Variants in MAGED2 observed in about 807,000 individuals in gnomAD.
MAGED2 encodes MAGE family member D2.
MAGED2 carries 6 observed loss-of-function variants against 41.7 expected under a neutral mutation model. The observed-to-expected ratio is 0.14, with a 90% confidence interval of 0.08 to 0.28. The LOEUF (loss-of-function observed/expected upper bound fraction) is 0.28. Among genes scored for constraint, MAGED2 ranks in the 10% least tolerant of loss-of-function variants. MAGED2 has a pLI of 1.00. For synonymous variants in MAGED2, 146 were observed against 178.2 expected, an observed-to-expected ratio of 0.82 and a Z score of 1.44; for missense variants, 343 against 486.4, an observed-to-expected ratio of 0.71 and a Z score of 2.77.
Position 54,809,354 on chromosome X carries a change from G to T in MAGED2, c.23G>T (p.Gly8Val). 8.3e-7 allele frequency: 1 copy of T among 1,211,027 alleles called. No individual in the cohort carries two copies. The highest frequency in any genetic ancestry group is 1.1e-6 in the Non-Finnish European group (1 of 894,866). The change falls in exon 2 of 13, where the codon GGT becomes GTT. Residue 8 changes from glycine to valine, a missense_variant. By Grantham distance (109) the Gly-to-Val change is moderately radical. Transcript: ENST00000375068. The stretch of plus-strand genomic sequence containing the variant: ...GACATGTCTGACACAAGCGAGAGTG[G>T]TGCAGGTCTAACTCGCTTCCAGGTA... MSDTSES[G>V]AGLTRFQAEA...
intron 2 of MAGED2, 123 bp from the exon 3 acceptor site, chrX:54,809,599 G>C: frequency 9.2e-7 from 1 of 1,088,023 alleles, no homozygotes; most frequent in Non-Finnish European, 1.2e-6. Context: ...GGCTGAGGTG[G>C]TCAGAGCACA....
chrX:54,808,927 A>C, intron 1 of MAGED2: 1 of 232,903 alleles, frequency 4.3e-6, no homozygotes, highest in Non-Finnish European at 8.0e-6. Flanking sequence ...GAGAAGAGCC[A>C]GCTGCTGAAT....
intron 11 of MAGED2, 33 bp from the exon 12 acceptor site, chrX:54,815,215 C>G (rs772195981): frequency 2.6e-6 from 3 of 1,138,744 alleles, no homozygotes; most frequent in Non-Finnish European, 3.5e-6. Context: ...CTTAATCCCT[C>G]TATGCTCCTT....
rs138895309 is a variant in MAGED2 at position 54,810,156 on chromosome X, C to T, written c.480C>T (p.Ala160=). 239 of 1,184,272 alleles carry T rather than the reference C, an allele frequency of 2.0e-4. No individual in the cohort carries two copies. In the African/African-American group the frequency reaches 3.8e-3, roughly 19 times the overall value. ...ADEPEPESAA[A]QSQENQDTRP... The stretch of plus-strand genomic sequence containing the variant: ...AACCTGAGCCTGAGAGTGCAGCTGC[C>T]CAGTCTCAGGAGAATCAGGATACTC... Residue 160 remains alanine, a synonymous_variant, in exon 3 of 13, where the codon GCC becomes GCT. Coordinates refer to ENST00000375068, the MANE Select transcript of MAGED2 (RefSeq NM_177433.3).
intron 9 of MAGED2, 162 bp from the exon 10 acceptor site, chrX:54,813,326 A>G (rs1602078412): frequency 2.3e-6 from 2 of 869,580 alleles, no homozygotes; most frequent in East Asian, 3.2e-5. Context: ...ATGGTCCTGA[A>G]CTCTCTGCTC....
chrX:54,810,540 G>A (rs1180461981), intron 3 of MAGED2, among the ~76,000 whole-genome samples: 7 of 111,682 alleles, frequency 6.3e-5, no homozygotes, highest in South Asian at 3.8e-4. Flanking sequence ...GAGGTGAAGC[G>A]GCTTGTCTAG....
In MAGED2 at chrX:54,813,176, C is replaced by G. The variant is rs1929857756; in HGVS notation, c.1208+16C>G. 8.3e-7 allele frequency: 1 copy of G among 1,209,267 alleles called. No homozygotes were observed. Among genetic ancestry groups the G allele is most frequent in the Non-Finnish European group, 1.1e-6 (1 of 895,317 alleles). ...TGCGCCCTGGGTATGATTGGGCTCT[C>G]TCAGCGCTTGCTGTCCGTGTTGTCC... is the stretch of plus-strand genomic sequence containing the variant. On this transcript the variant is annotated intron_variant, in intron 9 of 12. Coordinates refer to ENST00000375068, the MANE Select transcript of MAGED2 (RefSeq NM_177433.3).
At position 54,814,652 on chromosome X, in the gene MAGED2, C is replaced by G. The variant is rs760621944; in HGVS notation, c.1272-9C>G. 3 of 1,139,242 alleles carry G rather than the reference C, an allele frequency of 2.6e-6. No homozygotes were observed. The Admixed American group carries it at 6.6e-5, about 25-fold the overall frequency. The allele number at this position is 1,139,242 out of a possible 1,213,427, so 93.9% of individuals were successfully genotyped here. ...TTAGAAATAAAGGCTTTGAACCTCT[C>G]TTTCCAAGGTACCTGGACTATGCCA... is the stretch of plus-strand genomic sequence containing the variant. On this transcript the variant is annotated splice_polypyrimidine_tract_variant and intron_variant, in intron 10 of 12. Coordinates refer to ENST00000375068, the MANE Select transcript of MAGED2 (RefSeq NM_177433.3).
chrX:54,815,919 G>T lies in MAGED2; in HGVS notation c.*47G>T. 2 of 389,622 alleles carry T rather than the reference G, an allele frequency of 5.1e-6. No individual in the cohort carries two copies. The highest frequency in any genetic ancestry group is 8.8e-6 in the Non-Finnish European group (2 of 226,677). The allele number at this position is 389,622 out of a possible 1,213,427, so 32.1% of individuals were successfully genotyped here. A position where few individuals can be genotyped will look rare whatever the true frequency, so the allele number is the denominator to read the frequency against. ...TGCCAGTCTTTCTCTTCAAGCCAGG[G>T]TGCATCCTCAGAAACCTACTCAACA... is the stretch of plus-strand genomic sequence containing the variant. On this transcript the variant is annotated 3_prime_UTR_variant, in exon 13 of 13. Transcript: ENST00000375068.
At chrX:54,813,046 T>G in intron 8 of MAGED2, 22 bp downstream of exon 8, 1 of 1,211,701 alleles carries the variant, frequency 8.3e-7, no homozygotes, top group Non-Finnish European at 1.1e-6. Context: ...GGCTTGCAGC[T>G]GAATGGGTGG....
intron 2 of MAGED2, 69 bp downstream of exon 2, chrX:54,809,445 C>T: frequency 9.6e-7 from 1 of 1,037,801 alleles, no homozygotes; most frequent in African/African-American, 1.8e-5. Context: ...CCCCAAGTCC[C>T]TTGGCTCTTC....
At chrX:54,811,772 G>A in intron 6 of MAGED2, 119 bp downstream of exon 6, 1 of 528,368 alleles carries the variant, frequency 1.9e-6, no homozygotes, top group Non-Finnish European at 3.2e-6. Context: ...GCTATGCTGA[G>A]GGGCAGACAG....
intron 3 of MAGED2, 45 bp downstream of exon 3, chrX:54,810,258 C>T: frequency 1.2e-6 from 1 of 804,805 alleles, no homozygotes; most frequent in South Asian, 2.8e-5. Flanking sequence ...ACTCCTCTCT[C>T]AGTTGATTCA....
intron 7 of MAGED2, 67 bp downstream of exon 7, chrX:54,812,318 G>T (rs1199150159): frequency 1.7e-5 from 11 of 661,022 alleles, no homozygotes; most frequent in Non-Finnish European, 2.6e-5. Flanking sequence ...CTCCTCCTTT[G>T]TCCTACTTCC....
intron 11 of MAGED2, among the ~76,000 whole-genome samples, 154 bp downstream of exon 11, chrX:54,814,929 A>G (rs1157208146): frequency 8.9e-6 from 1 of 111,993 alleles, no homozygotes; most frequent in African/African-American, 3.2e-5. Context: ...TATCTGAATC[A>G]TTTAAGCCTT....
At position 54,814,467 on chromosome X, in the gene MAGED2, T is replaced by C. The variant is rs754111727; in HGVS notation, c.1272-194T>C. The C allele has an allele frequency of 2.2e-5, 12 of 540,825 alleles. No individual in the cohort carries two copies. In the South Asian group the frequency reaches 2.7e-4, roughly 12 times the overall value. The allele number at this position is 540,825 out of a possible 1,213,427, so 44.6% of individuals were successfully genotyped here. On this transcript the variant is annotated intron_variant, in intron 10 of 12. Transcript: ENST00000375068. ...CATTGTGATGAGGGCGTCAAACTTG[T>C]GGCTTCCCTATGAACAAACGTCCCC...
In MAGED2 at chrX:54,811,082, G is replaced by C. The variant is rs747287337; in HGVS notation, c.799G>C (p.Glu267Gln). The C allele has an allele frequency of 6.5e-5, 78 of 1,197,877 alleles. No individual in the cohort carries two copies. In the East Asian group the frequency reaches 2.3e-3, roughly 35 times the overall value. ...AGCTGCCAAGCTCCAGTCATCCCAA[G>C]AGCCTGAAGCACCACCACCTCGGGA... ...RRAAKLQSSQ[E>Q]PEAPPPRDVA... Residue 267 changes from glutamate (E) to glutamine (Q), a missense_variant, in exon 4 of 13, where the codon GAG (glutamate) becomes CAG (glutamine). Coordinates refer to ENST00000375068, the MANE Select transcript of MAGED2 (RefSeq NM_177433.3).
intron 2 of MAGED2, 21 bp from the exon 3 acceptor site, chrX:54,809,701 C>G: frequency 8.4e-7 from 1 of 1,186,150 alleles, no homozygotes; most frequent in South Asian, 1.9e-5. Context: ...GGTCTATGAA[C>G]TTCCCTGCTT....
At position 54,810,864 on chromosome X, in the gene MAGED2, G is replaced by A. The variant is rs1402748229; in HGVS notation, c.581G>A (p.Ser194Asn). The A allele has an allele frequency of 1.7e-6, 2 of 1,197,395 alleles. No homozygotes were observed. Among genetic ancestry groups the A allele is most frequent in the South Asian group, 1.8e-5 (1 of 55,414 alleles). ...GAAGAGGATGGCAGCAGTGATCAGA[G>A]TCAGGCTTCTGGAACCACAGGTGGC... is the stretch of plus-strand genomic sequence containing the variant. Reference protein sequence around the residue: ...DGEEDGSSDQSQASGTTGGRR... With the variant: ...DGEEDGSSDQNQASGTTGGRR... Residue 194 changes from serine to asparagine, a missense_variant, in exon 4 of 13, where the codon AGT (serine) becomes AAT (asparagine). This residue lies in a region of MAGED2 where 195 missense variants were observed against 221.2 expected (regional missense o/e 0.88). Coordinates refer to ENST00000375068, the MANE Select transcript of MAGED2 (RefSeq NM_177433.3).
Sources: gnomAD v4.1 joint callset for allele counts (sites outside exome capture counted in the v4.1 genomes callset) on GRCh38, gnomAD v4.1.1 for gene constraint, gnomAD v4.1.1 regional missense constraint, MANE v1.5 for transcripts, NCBI Gene and HGNC (gene_info 2026-07-23, HGNC 2026-07-21) for gene names.